Variants in PRKD1 observed in about 807,000 individuals in gnomAD.
PRKD1 encodes serine/threonine-protein kinase D1.
In PRKD1, 63 loss-of-function variants were observed where a neutral mutation model predicts 95.9. That is an observed-to-expected ratio of 0.66 (90% confidence interval 0.54 to 0.81). The LOEUF is 0.81. Among genes scored for constraint, PRKD1 ranks in the 30% least tolerant of loss-of-function variants. The probability of loss-of-function intolerance (pLI) is 0.00; values close to 1 mark genes in which losing one functional copy is unlikely to be tolerated. For synonymous variants in PRKD1, 425 were observed against 423.1 expected, an observed-to-expected ratio of 1.00 and a Z score of -0.05; for missense variants, 1,048 against 1,165.3, an observed-to-expected ratio of 0.90 and a Z score of 1.47.
chr14:29,839,066 A>T (rs1056396742), intron 1 of PRKD1, among the ~76,000 whole-genome samples: 1 of 152,222 alleles, frequency 6.6e-6, no homozygotes. Flanking sequence ...TAAAGCCCAC[A>T]ATGTCAAACC....
intron 1 of PRKD1, among the ~76,000 whole-genome samples, chr14:29,726,621 T>C (rs1198545839): frequency 6.6e-6 from 1 of 152,148 alleles, no homozygotes; most frequent in East Asian, 1.9e-4. Context: ...CAATACATTA[T>C]AAACCTCTCT....
intron 2 of PRKD1, among the ~76,000 whole-genome samples, chr14:29,711,663 A>G (rs546591273): frequency 8.5e-5 from 13 of 152,192 alleles, no homozygotes; most frequent in African/African-American, 3.1e-4. Flanking sequence ...TCTTTTCAGA[A>G]TGACTACCTT....
chr14:29,737,663 G>A lies in PRKD1; in HGVS notation c.265-11989C>T, dbSNP rs369313487. Among the ~76,000 whole-genome samples, 12 of 152,250 alleles carry A rather than the reference G, an allele frequency of 7.9e-5. No homozygotes were observed. The East Asian group carries it at 1.7e-3, about 22-fold the overall frequency. On this transcript the variant is annotated intron_variant, in intron 1 of 17. Transcript: ENST00000331968. The stretch of plus-strand genomic sequence containing the variant: ...ATAAGGACACATCGTGTGATCAAGT[G>A]TTCTAACAAGAATGCCTAAAAAATT...
At chr14:29,871,341 A>G (rs2139377858) in intron 1 of PRKD1, among the ~76,000 whole-genome samples, 1 of 152,374 alleles carries the variant, frequency 6.6e-6, no homozygotes, top group Admixed American at 6.5e-5. Context: ...TAAAAACTAT[A>G]CAATTTGACT....
At chr14:29,595,196 T>C (rs1207761277) in intron 16 of PRKD1, among the ~76,000 whole-genome samples, 3 of 152,188 alleles carry the variant, frequency 2.0e-5, no homozygotes, top group Admixed American at 2.0e-4. Context: ...AAGTAAAATG[T>C]GTACTTCCTA....
intron 9 of PRKD1, 101 bp from the exon 10 acceptor site, chr14:29,631,122 C>A: frequency 8.9e-7 from 1 of 1,119,096 alleles, no homozygotes; most frequent in Non-Finnish European, 1.3e-6. Context: ...TCACAAATAG[C>A]CACCATTTAA....
intron 4 of PRKD1, among the ~76,000 whole-genome samples, chr14:29,647,311 G>A (rs1881188015): frequency 6.6e-6 from 1 of 152,076 alleles, no homozygotes; most frequent in South Asian, 2.1e-4. Context: ...CAAAATGAAG[G>A]GTAAAGGAAC....
chr14:29,725,408 C>CT (rs1397192869), intron 2 of PRKD1, 128 bp downstream of exon 2: 1 of 1,154,372 alleles, frequency 8.7e-7, no homozygotes, highest in Non-Finnish European at 1.2e-6. Context: ...GTGGACAGAG[C>CT]TCCAACATCT....
intron 1 of PRKD1, among the ~76,000 whole-genome samples, chr14:29,775,502 C>T (rs539942939): frequency 6.6e-6 from 1 of 152,300 alleles, no homozygotes; most frequent in South Asian, 2.1e-4. Context: ...AGATTATATC[C>T]CACGCCTGGC....
chr14:29,714,911 G>C (rs544165870), intron 2 of PRKD1, among the ~76,000 whole-genome samples: 2 of 152,008 alleles, frequency 1.3e-5, no homozygotes, highest in Non-Finnish European at 2.9e-5. Context: ...TGAACAGTGA[G>C]AACACATGCA....
At chr14:29,782,279 C>T (rs980564029) in intron 1 of PRKD1, among the ~76,000 whole-genome samples, 1 of 152,006 alleles carries the variant, frequency 6.6e-6, no homozygotes, top group Non-Finnish European at 1.5e-5. Context: ...AGTTAAGTTC[C>T]GGTCTGACTC....
chr14:29,863,329 A>G (rs1892773598), intron 1 of PRKD1, among the ~76,000 whole-genome samples: 1 of 152,200 alleles, frequency 6.6e-6, no homozygotes, highest in Non-Finnish European at 1.5e-5. Flanking sequence ...ATCAGATATA[A>G]AAGTGTTTTG....
At chr14:29,747,002 G>A (rs939371909) in intron 1 of PRKD1, among the ~76,000 whole-genome samples, 9 of 151,678 alleles carry the variant, frequency 5.9e-5, no homozygotes, top group East Asian at 3.9e-4. Flanking sequence ...AGATTCTATC[G>A]GCAACATACT....
chr14:29,600,008 T>C (rs1443928206), intron 13 of PRKD1, among the ~76,000 whole-genome samples, 191 bp from the exon 14 acceptor site: 1 of 152,208 alleles, frequency 6.6e-6, no homozygotes, highest in African/African-American at 2.4e-5. Context: ...AATACATCTT[T>C]ACTTTCTATG....
chr14:29,752,756 G>C (rs1365226796), intron 1 of PRKD1, among the ~76,000 whole-genome samples: 2 of 151,974 alleles, frequency 1.3e-5, no homozygotes, highest in Admixed American at 6.6e-5. Context: ...TTTTCTGTTT[G>C]TGTGCAATCA....
chr14:29,870,402 G>A (rs1893061169), intron 1 of PRKD1, among the ~76,000 whole-genome samples: 1 of 152,082 alleles, frequency 6.6e-6, no homozygotes, highest in Non-Finnish European at 1.5e-5. Context: ...AAAAAAAAAG[G>A]CAGAATTATG....
chr14:29,661,802 A>G (rs1882206493), intron 4 of PRKD1, among the ~76,000 whole-genome samples: 1 of 152,226 alleles, frequency 6.6e-6, no homozygotes, highest in South Asian at 2.1e-4. Flanking sequence ...CAGTAGCTTT[A>G]AAAAGTATCT....
intron 4 of PRKD1, among the ~76,000 whole-genome samples, chr14:29,646,275 A>G (rs866993854): frequency 7.9e-5 from 12 of 152,108 alleles, no homozygotes; most frequent in Non-Finnish European, 7.4e-5. Flanking sequence ...GGGATGGTTA[A>G]TGGGTGCAAA....
In PRKD1 at chr14:29,785,336, T is replaced by A. The variant is rs917201984; in HGVS notation, c.265-59662A>T. On this transcript the variant is annotated intron_variant, in intron 1 of 17. Coordinates refer to ENST00000331968, the MANE Select transcript of PRKD1 (RefSeq NM_002742.3). ...AATTTATTTTTGTAGCTATTGTAAA[T>A]GCGTTTGCTTTCCTGATTTCCTTTT... is the stretch of plus-strand genomic sequence containing the variant. Among the ~76,000 whole-genome samples the A allele has an allele frequency of 3.3e-5, 5 of 152,332 alleles. No individual in the cohort carries two copies. The South Asian group carries it at 6.2e-4, about 19-fold the overall frequency.
Sources: gnomAD v4.1 joint callset for allele counts (sites outside exome capture counted in the v4.1 genomes callset) on GRCh38, gnomAD v4.1.1 for gene constraint, MANE v1.5 for transcripts, NCBI Gene and HGNC (gene_info 2026-07-23, HGNC 2026-07-21) for gene names.